Variants in PALM observed in about 807,000 individuals in gnomAD.
The protein encoded by PALM is paralemmin.
PALM carries 18 observed loss-of-function variants against 30.7 expected under a neutral mutation model. The observed-to-expected ratio is 0.59, with a 90% CI of 0.41 to 0.87. The LOEUF (loss-of-function observed/expected upper bound fraction) is 0.87, where lower values mean the gene tolerates loss of function less well. Among genes scored for constraint, PALM ranks in the 40% least tolerant of loss-of-function variants. The pLI is 0.00. For synonymous variants in PALM, 286 were observed against 242.8 expected, an observed-to-expected ratio of 1.18 and a Z score of -1.66; for missense variants, 529 against 555.4, an observed-to-expected ratio of 0.95 and a Z score of 0.48.
In PALM at chr19:708,998, G is replaced by C. The variant is rs2031977832; in HGVS notation, c.-149G>C. 1 of 148,454 alleles carries C rather than the reference G, an allele frequency of 6.7e-6. No individual in the cohort carries two copies. 9.2% of individuals were successfully genotyped at this position (148,454 alleles called of 1,614,324 possible). Reference sequence around the variant, plus strand: ...GCGGGGCGATGCCCGAGCCGGTGCCGCCGCCCCCGCGCCGCGCAGCCCCGG... The same window carrying C: ...GCGGGGCGATGCCCGAGCCGGTGCCCCCGCCCCCGCGCCGCGCAGCCCCGG... On this transcript the variant is annotated 5_prime_UTR_variant, in exon 1 of 9. Coordinates refer to ENST00000338448, the MANE Select transcript of PALM (RefSeq NM_002579.3).
chr19:727,597 G>A lies in PALM; in HGVS notation c.172G>A (p.Gly58Arg). ...KALRERWLLE[G>R]TPSSASEGDE... ...ACTGCGGGAGCGCTGGCTGCTGGAG[G>A]GGACGCCGTCCTCGGCCTCAGAGGG... Residue 58 changes from glycine to arginine, a missense_variant, in exon 4 of 9, where the codon GGG (glycine) becomes AGG (arginine). By Grantham distance (125) the Gly-to-Arg change is moderately radical (BLOSUM62 -2). Coordinates refer to ENST00000338448, the MANE Select transcript of PALM (RefSeq NM_002579.3). 1 of 1,587,342 alleles carries A rather than the reference G, an allele frequency of 6.3e-7. No homozygotes were observed. The highest frequency in any genetic ancestry group is 8.6e-7 in the Non-Finnish European group (1 of 1,167,804).
intron 7 of PALM, 63 bp downstream of exon 7, chr19:736,141 C>CG (rs2033017837): frequency 9.5e-6 from 5 of 528,690 alleles, no homozygotes; most frequent in Admixed American, 2.2e-5. Flanking sequence ...AGTCTCGGTC[C>CG]GGGGGGCCGG....
chr19:712,730 C>T (rs996282298), intron 1 of PALM, among the ~76,000 whole-genome samples: 2 of 150,966 alleles, frequency 1.3e-5, no homozygotes. Context: ...GACTGGAGTG[C>T]AGTGGCGCGA....
At chr19:711,477 T>C (rs2144838699) in intron 1 of PALM, among the ~76,000 whole-genome samples, 1 of 152,270 alleles carries the variant, frequency 6.6e-6, no homozygotes, top group South Asian at 2.1e-4. Flanking sequence ...AAATTTTCAA[T>C]AGGAAAGTCT....
chr19:731,435 G>A (rs1240238255), intron 5 of PALM, among the ~76,000 whole-genome samples, 190 bp downstream of exon 5: 2 of 152,212 alleles, frequency 1.3e-5, no homozygotes, highest in African/African-American at 4.8e-5. Context: ...GCCTTGCTGG[G>A]CCTCGGTTTC....
Position 747,955 on chromosome 19 carries a change from G to C in PALM, c.*1141G>C, listed in dbSNP as rs1486243533. 2 of 152,612 alleles carry C rather than the reference G, an allele frequency of 1.3e-5. No individual in the cohort carries two copies. Among genetic ancestry groups the C allele is most frequent in the African/African-American group, 2.4e-5 (1 of 41,460 alleles). The allele number at this position is 152,612 out of a possible 1,614,324, so 9.5% of individuals were successfully genotyped here. A position where few individuals can be genotyped will look rare whatever the true frequency, so the allele number is the denominator to read the frequency against. On this transcript the variant is annotated 3_prime_UTR_variant, in exon 9 of 9. Coordinates refer to ENST00000338448, the MANE Select transcript of PALM (RefSeq NM_002579.3). ...TCTCACAGACACCGTCTCACACGTT[G>C]GCTTTGGACAACCAGGCCCCAACTT...
intron 6 of PALM, 46 bp from the exon 7 acceptor site, chr19:735,973 T>C: frequency 6.5e-7 from 1 of 1,541,404 alleles, no homozygotes; most frequent in South Asian, 1.1e-5. Flanking sequence ...CCATGTGACC[T>C]CTCCTCTGAC....
In PALM at chr19:731,180, C is replaced by T. The variant is rs139966536; in HGVS notation, c.355C>T (p.Arg119Trp). 452 of 1,610,054 alleles carry T rather than the reference C, an allele frequency of 2.8e-4. 2 individuals are homozygous for T. Among genetic ancestry groups the T allele is most frequent in the Non-Finnish European group, 2.1e-4 (242 of 1,178,710 alleles). The change falls in exon 5 of 9, where the codon CGG becomes TGG. Residue 119 changes from arginine to tryptophan, a missense_variant. Transcript: ENST00000338448. ...KENAAAPSPV[R>W]APAPSPAKEE... is the part of the protein sequence containing the mutation. ...GAACGCGGCGGCCCCGAGCCCAGTC[C>T]GGGCCCCAGCCCCGAGTCCAGCCAA...
chr19:724,155 C>T lies in PALM; in HGVS notation c.6-1983C>T, dbSNP rs561698552. 8.5e-5 allele frequency among the ~76,000 whole-genome samples: 13 copies of T among 152,136 alleles called. No homozygotes were observed. In the South Asian group the frequency reaches 1.5e-3, roughly 17 times the overall value. On this transcript the variant is annotated intron_variant, in intron 1 of 8. Coordinates refer to ENST00000338448, the MANE Select transcript of PALM (RefSeq NM_002579.3). ...GAGGTCAGAGAACCACAGAATTCCT[C>T]GGTTCTTTCCTGGGCGAGTGAGCGT...
chr19:715,132 G>T (rs1274813012), intron 1 of PALM, among the ~76,000 whole-genome samples: 2 of 152,182 alleles, frequency 1.3e-5, no homozygotes, highest in Non-Finnish European at 2.9e-5. Flanking sequence ...GGCGGGCGTG[G>T]TGGCGGGTGC....
chr19:719,684 G>T, intron 1 of PALM: 8 of 937,146 alleles, frequency 8.5e-6, no homozygotes, highest in Non-Finnish European at 1.0e-5. Flanking sequence ...TCCGACCTCC[G>T]CTTCCTTCCG....
intron 5 of PALM, among the ~76,000 whole-genome samples, chr19:733,833 A>G (rs2144900078): frequency 6.6e-6 from 1 of 152,212 alleles, no homozygotes; most frequent in East Asian, 1.9e-4. Flanking sequence ...CTAAAAATAC[A>G]AAATTAGCCA....
chr19:733,999 A>G (rs951979063), intron 5 of PALM, among the ~76,000 whole-genome samples, 174 bp from the exon 6 acceptor site: 2 of 152,074 alleles, frequency 1.3e-5, no homozygotes, highest in African/African-American at 4.8e-5. Flanking sequence ...TAAAAAGAAA[A>G]AAGAAAGATG....
intron 1 of PALM, among the ~76,000 whole-genome samples, chr19:725,082 GC>G (rs1300678538): frequency 6.6e-6 from 1 of 151,350 alleles, no homozygotes; most frequent in Non-Finnish European, 1.5e-5. Flanking sequence ...CAGCCTCCAC[GC>G]CCAGCTAATT....
chr19:725,738 G>C (rs34336661), intron 1 of PALM, among the ~76,000 whole-genome samples: 1 of 152,122 alleles, frequency 6.6e-6, no homozygotes, highest in Non-Finnish European at 1.5e-5. Context: ...TGGGGCTGCA[G>C]AGTAGGTCTT....
At chr19:730,662 A>G (rs1010032076) in intron 4 of PALM, among the ~76,000 whole-genome samples, 4 of 152,066 alleles carry the variant, frequency 2.6e-5, no homozygotes, top group Non-Finnish European at 5.9e-5. Flanking sequence ...TTCCCCCATC[A>G]TGAAAGAGCA....
At chr19:734,299 C>A in intron 6 of PALM, 105 bp downstream of exon 6, 1 of 1,089,538 alleles carries the variant, frequency 9.2e-7, no homozygotes, top group Non-Finnish European at 1.4e-6. Flanking sequence ...GTGCCTCACG[C>A]CTGTGATCCC....
intron 1 of PALM, among the ~76,000 whole-genome samples, chr19:722,289 G>A (rs905667294): frequency 6.6e-6 from 1 of 151,708 alleles, no homozygotes; most frequent in African/African-American, 2.4e-5. Flanking sequence ...ATCACGGCTC[G>A]ACCCAGCCTC....
At position 731,483 on chromosome 19, in the gene PALM, C is replaced by CACT. The variant is rs879663440; in HGVS notation, c.420+238_420+239insACT. On this transcript the variant is annotated intron_variant, in intron 5 of 8. Transcript: ENST00000338448. ...ATGGGGGAGTAATCAGAGCAGCCAC[C>CACT]GCTGGGGGCATCAGAAGGACTCAGG... Among the ~76,000 whole-genome samples the CACT allele has an allele frequency of 7.6e-3, 877 of 114,784 alleles. 59 individuals are homozygous for CACT. Among genetic ancestry groups the CACT allele is most frequent in the South Asian group, 0.013 (48 of 3,628 alleles). 75.3% of individuals were successfully genotyped at this position (114,784 alleles called of 152,430 possible).
Sources: gnomAD v4.1 joint callset for allele counts (sites outside exome capture counted in the v4.1 genomes callset) on GRCh38, gnomAD v4.1.1 for gene constraint, MANE v1.5 for transcripts, NCBI Gene and HGNC (gene_info 2026-07-23, HGNC 2026-07-21) for gene names.